ECRG4: variants seen among roughly 807,000 people sequenced by gnomAD.
ECRG4 encodes augurin.
In ECRG4, 18 loss-of-function variants were observed where a neutral mutation model predicts 15.8. The ratio of observed to expected loss-of-function variants is 1.14; its 90% CI spans 0.79 to 1.69. ECRG4 has a LOEUF of 1.69. Among genes scored for constraint, ECRG4 ranks in the 40% most tolerant of loss-of-function variants. The pLI is 0.00. For missense variants in ECRG4, 200 were observed against 190.9 expected (o/e 1.05, Z -0.28); for synonymous variants, 82 against 73.9 (o/e 1.11, Z -0.56).
upstream of ECRG4, chr2:106,063,313 C>A (rs1237817187): frequency 6.6e-6 from 1 of 152,220 alleles, no homozygotes; most frequent in African/African-American, 2.4e-5. Context: ...GGGCCTTAGT[C>A]TTGAATTTCC....
intron 3 of ECRG4, among the ~76,000 whole-genome samples, chr2:106,077,537 T>C (rs1676511705): frequency 6.6e-6 from 1 of 152,172 alleles, no homozygotes. Flanking sequence ...TTACAAAAGT[T>C]TGCAAAGGTA....
At chr2:106,063,733 C>A (rs530150485), upstream of ECRG4, among the ~76,000 whole-genome samples, 5 of 152,306 alleles carry the variant, frequency 3.3e-5, no homozygotes, top group East Asian at 9.6e-4. Context: ...CAGGCACGCA[C>A]CACCACGCCT....
chr2:106,064,243 A>C (rs897306999), upstream of ECRG4: 1 of 152,184 alleles, frequency 6.6e-6, no homozygotes, highest in Admixed American at 6.5e-5. Context: ...CCCACTTTGC[A>C]CTTTTTTCTT....
At chr2:106,075,159 C>T (rs1676458159) in intron 3 of ECRG4, among the ~76,000 whole-genome samples, 1 of 152,154 alleles carries the variant, frequency 6.6e-6, no homozygotes, top group South Asian at 2.1e-4. Context: ...CATCTCTGTA[C>T]AGTTTGCCTT....
chr2:106,077,701 T>A, intron 3 of ECRG4, 64 bp from the exon 4 acceptor site: 1 of 1,431,760 alleles, frequency 7.0e-7, no homozygotes, highest in Non-Finnish European at 9.6e-7. Context: ...ATAGGTAAGA[T>A]TAGGTCTTAG....
intron 3 of ECRG4, among the ~76,000 whole-genome samples, chr2:106,075,251 T>A (rs1413716239): frequency 6.6e-6 from 1 of 152,244 alleles, no homozygotes; most frequent in Non-Finnish European, 1.5e-5. Context: ...ATTGTCAAAC[T>A]GCACATTCCT....
chr2:106,075,880 G>A (rs1676477680), intron 3 of ECRG4, among the ~76,000 whole-genome samples: 1 of 152,160 alleles, frequency 6.6e-6, no homozygotes, highest in African/African-American at 2.4e-5. Flanking sequence ...AGTGGTCTCT[G>A]GCAAAGGAAT....
At chr2:106,069,112 T>TC (rs1374857592) in intron 1 of ECRG4, among the ~76,000 whole-genome samples, 1 of 127,200 alleles carries the variant, frequency 7.9e-6, no homozygotes, top group Non-Finnish European at 1.7e-5. Flanking sequence ...TCCTTCCTTC[T>TC]TTTTCTTTCT....
chr2:106,065,104 C>T (rs1416219360), upstream of ECRG4, among the ~76,000 whole-genome samples: 1 of 152,028 alleles, frequency 6.6e-6, no homozygotes, highest in Non-Finnish European at 1.5e-5. Flanking sequence ...AGCTCTGAAC[C>T]CAGACTGTGG....
intron 1 of ECRG4, among the ~76,000 whole-genome samples, chr2:106,066,112 C>T (rs1363739529): frequency 2.0e-5 from 3 of 152,186 alleles, no homozygotes; most frequent in Non-Finnish European, 2.9e-5. Flanking sequence ...CAAGGAGGGC[C>T]AGGCGTCCGA....
At chr2:106,075,654 G>A (rs997797674) in intron 3 of ECRG4, among the ~76,000 whole-genome samples, 6 of 152,076 alleles carry the variant, frequency 3.9e-5, no homozygotes, top group Non-Finnish European at 8.8e-5. Context: ...CCCGGGAGGC[G>A]GAGTTTGCTG....
chr2:106,063,820 G>A (rs1287252152), upstream of ECRG4, among the ~76,000 whole-genome samples: 5 of 152,200 alleles, frequency 3.3e-5, no homozygotes, highest in Admixed American at 3.3e-4. Context: ...GACCTCAAGT[G>A]ATCTGCCCTC....
At chr2:106,071,713 A>G (rs1676376592) in intron 1 of ECRG4, 131 bp from the exon 2 acceptor site, 2 of 661,254 alleles carry the variant, frequency 3.0e-6, no homozygotes, top group South Asian at 3.7e-5. Context: ...AGTGTTAAAT[A>G]CTGTGATGTT....
intron 3 of ECRG4, among the ~76,000 whole-genome samples, chr2:106,074,568 G>T (rs1336971115): frequency 6.6e-6 from 1 of 152,256 alleles, no homozygotes; most frequent in Admixed American, 6.5e-5. Flanking sequence ...CATGCGCCTA[G>T]ATGGCATTGG....
At chr2:106,065,642 C>G, upstream of ECRG4, 1 of 683,204 alleles carries the variant, frequency 1.5e-6, no homozygotes, top group South Asian at 3.3e-5. Flanking sequence ...GGGTCCCGCC[C>G]CGGCAGCGAC....
At chr2:106,074,749 C>CTGTG (rs1372672743) in intron 3 of ECRG4, among the ~76,000 whole-genome samples, 1 of 152,208 alleles carries the variant, frequency 6.6e-6, no homozygotes, top group Non-Finnish European at 1.5e-5. Context: ...AAGGGAGGAC[C>CTGTG]TGTGGCCTGT....
rs149621968 is a variant in ECRG4 at position 106,071,376 on chromosome 2, T to TA, written c.80-458dup. On this transcript the variant is annotated intron_variant, in intron 1 of 3. Transcript: ENST00000238044. ...AAGAAAGAAAGAAAAGAAAAGAAAA[T>TA]AAAAAAAAAATAAAAATCTTGAGAT... 7.2e-3 allele frequency among the ~76,000 whole-genome samples: 999 copies of TA among 138,738 alleles called. 12 individuals carry two copies. Among genetic ancestry groups the TA allele is most frequent in the African/African-American group, 0.027 (950 of 35,370 alleles). 91.0% of individuals were successfully genotyped at this position (138,738 alleles called of 152,430 possible). A position where few individuals can be genotyped will look rare whatever the true frequency, so the allele number is the denominator to read the frequency against.
Position 106,065,753 on chromosome 2 carries a change from C to A in ECRG4, c.-12C>A. Reference sequence around the variant, plus strand: ...AGTGCGCCCCTCGCCCTCCTGCTCGCGCCCCGCCGCCATGGCTGCCTCCCC... The same window carrying A: ...AGTGCGCCCCTCGCCCTCCTGCTCGAGCCCCGCCGCCATGGCTGCCTCCCC... On this transcript the variant is annotated 5_prime_UTR_variant, in exon 1 of 4. Transcript: ENST00000238044. The A allele has an allele frequency of 1.4e-6, 2 of 1,478,260 alleles. No individual in the cohort carries two copies. Among genetic ancestry groups the A allele is most frequent in the Non-Finnish European group, 8.9e-7 (1 of 1,121,472 alleles). 91.6% of individuals were successfully genotyped at this position (1,478,260 alleles called of 1,614,324 possible).
rs1478369705 is a variant in ECRG4 at position 106,067,069 on chromosome 2, G to GT, written c.79+1226_79+1227insT. On this transcript the variant is annotated intron_variant, in intron 1 of 3. Coordinates refer to ENST00000238044, the MANE Select transcript of ECRG4 (RefSeq NM_032411.3). The stretch of plus-strand genomic sequence containing the variant: ...AGCACTTTGGGAGGCCGGGGGGGGG[G>GT]GGGGGGCAGATCACCTGAGGTCGGG... Among the ~76,000 whole-genome samples, 4 of 96,494 alleles carry GT rather than the reference G, an allele frequency of 4.1e-5. 1 individual carries two copies. Among genetic ancestry groups the GT allele is most frequent in the Non-Finnish European group, 6.9e-5 (3 of 43,682 alleles). The allele number at this position is 96,494 out of a possible 152,430, so 63.3% of individuals were successfully genotyped here.
Sources: gnomAD v4.1 joint callset for allele counts (sites outside exome capture counted in the v4.1 genomes callset) on GRCh38, gnomAD v4.1.1 for gene constraint, MANE v1.5 for transcripts, NCBI Gene and HGNC (gene_info 2026-07-23, HGNC 2026-07-21) for gene names.